Variants in AFF3 observed in about 807,000 individuals in gnomAD.
The protein encoded by AFF3 is ALF transcription elongation factor 3, also known as AF4/FMR2 family member 3.
AFF3 carries 32 observed loss-of-function variants against 129.7 expected under a neutral mutation model. That is an observed-to-expected ratio of 0.25 (90% confidence interval 0.19 to 0.33). AFF3 has a LOEUF of 0.33. Ranked by LOEUF, AFF3 falls within the 10% of genes least tolerant of loss-of-function variation. AFF3 has a pLI of 1.00. For synonymous variants in AFF3, 644 were observed against 635.4 expected (o/e 1.01, Z -0.20); for missense variants, 1,373 against 1,592.0 (o/e 0.86, Z 2.34).
At chr2:99,754,769 G>C (rs1681950375) in intron 8 of AFF3, among the ~76,000 whole-genome samples, 1 of 152,142 alleles carries the variant, frequency 6.6e-6, no homozygotes, top group Non-Finnish European at 1.5e-5. Context: ...GGTGGAAACT[G>C]TCCTCCTGAT....
intron 11 of AFF3, among the ~76,000 whole-genome samples, chr2:99,726,864 G>T (rs980023249): frequency 6.6e-6 from 1 of 152,174 alleles, no homozygotes; most frequent in African/African-American, 2.4e-5. Context: ...TTCATAAAGA[G>T]AAGCATTTGC....
At chr2:99,891,038 G>C (rs1452923048) in intron 7 of AFF3, among the ~76,000 whole-genome samples, 1 of 152,232 alleles carries the variant, frequency 6.6e-6, no homozygotes, top group Non-Finnish European at 1.5e-5. Context: ...CACGGTGGGG[G>C]TCACACAGGG....
In AFF3 at chr2:100,142,575, G is replaced by A. The variant is rs1314980021; in HGVS notation, c.-319C>T. The A allele has an allele frequency of 6.6e-6, 1 of 152,340 alleles. No homozygotes were observed. The highest frequency in any genetic ancestry group is 2.4e-5 in the African/African-American group (1 of 41,446). The allele number at this position is 152,340 out of a possible 1,614,324, so 9.4% of individuals were successfully genotyped here. A position where few individuals can be genotyped will look rare whatever the true frequency, so the allele number is the denominator to read the frequency against. On this transcript the variant is annotated 5_prime_UTR_variant, in exon 1 of 25. Coordinates refer to ENST00000672756, the MANE Select transcript of AFF3 (RefSeq NM_001386135.1). ...AGCGTGGAGCTCTCTTCTCGCTGGC[G>A]AGCTTTCTGAATGGCACTTTCTGTA... is the stretch of plus-strand genomic sequence containing the variant.
At chr2:100,052,843 G>T (rs561016583) in intron 4 of AFF3, among the ~76,000 whole-genome samples, 8 of 152,172 alleles carry the variant, frequency 5.3e-5, no homozygotes, top group Non-Finnish European at 1.2e-4. Context: ...TCCTCCAGCC[G>T]CCTTCCCCAG....
chr2:100,080,318 T>C (rs1276272499), intron 4 of AFF3, among the ~76,000 whole-genome samples: 3 of 152,248 alleles, frequency 2.0e-5, no homozygotes, highest in African/African-American at 2.4e-5. Context: ...TAGATGTTTA[T>C]TGTAATTTTG....
chr2:99,622,105 G>A (rs1682078361), intron 13 of AFF3, among the ~76,000 whole-genome samples: 1 of 152,160 alleles, frequency 6.6e-6, no homozygotes, highest in African/African-American at 2.4e-5. Context: ...ACACCAACTA[G>A]GACGTGCTGA....
intron 2 of AFF3, among the ~76,000 whole-genome samples, chr2:100,109,550 T>G (rs1330292236): frequency 6.6e-6 from 1 of 152,172 alleles, no homozygotes; most frequent in African/African-American, 2.4e-5. Context: ...GAACCAATCA[T>G]CCTGACTTAA....
chr2:99,826,024 T>A lies in AFF3; in HGVS notation c.921+11453A>T, dbSNP rs951091838. ...TTTATTCACTTAAAAAATTTTTTTT[T>A]AATTTTTTGAGATGGAGTCTCACTC... On this transcript the variant is annotated intron_variant, in intron 8 of 24. Transcript: ENST00000672756. 4.6e-5 allele frequency among the ~76,000 whole-genome samples: 7 copies of A among 150,746 alleles called. No individual in the cohort carries two copies. In the South Asian group the frequency reaches 6.3e-4, roughly 14 times the overall value.
chr2:99,566,970 CT>C (rs755875614), intron 19 of AFF3, among the ~76,000 whole-genome samples: 338 of 140,700 alleles, frequency 2.4e-3, no homozygotes, highest in Non-Finnish European at 2.6e-3. Flanking sequence ...TTTCTTTTTT[CT>C]TTTTTTTTTT....
In AFF3 at chr2:99,593,481, T is replaced by C; in HGVS notation, c.2180A>G (p.Asn727Ser). Reference sequence around the variant, plus strand: ...GGCGATGTCACTGGTGGTCCTGGCGTTGATGGAGCCTACAGGGGCCCTAGG... The same window carrying C: ...GGCGATGTCACTGGTGGTCCTGGCGCTGATGGAGCCTACAGGGGCCCTAGG... The part of the protein sequence containing the change: ...SGPRAPVGSI[N>S]ARTTSDIAKE... Residue 727 changes from asparagine (N) to serine (S), a missense_variant, in exon 15 of 25, where the codon AAC (asparagine) becomes AGC (serine). Transcript: ENST00000672756. The C allele has an allele frequency of 6.2e-7, 1 of 1,613,838 alleles. No individual in the cohort carries two copies. The highest frequency in any genetic ancestry group is 1.1e-5 in the South Asian group (1 of 91,074).
intron 13 of AFF3, among the ~76,000 whole-genome samples, chr2:99,603,304 T>C (rs563664776): frequency 7.2e-5 from 11 of 152,286 alleles, no homozygotes; most frequent in East Asian, 3.9e-4. Context: ...AAAAGGACGA[T>C]TGAATTCTGA....
intron 4 of AFF3, among the ~76,000 whole-genome samples, chr2:100,043,071 A>G (rs1423873087): frequency 6.6e-6 from 1 of 152,120 alleles, no homozygotes; most frequent in Non-Finnish European, 1.5e-5. Context: ...TTAGCCTGAC[A>G]AATTTCAAAG....
chr2:100,002,189 C>T (rs925729669), intron 7 of AFF3, among the ~76,000 whole-genome samples: 4 of 152,184 alleles, frequency 2.6e-5, no homozygotes, highest in Admixed American at 6.5e-5. Context: ...TTAAGAAATT[C>T]GACTGGCATG....
chr2:99,926,807 T>C (rs1696279297), intron 7 of AFF3, among the ~76,000 whole-genome samples: 1 of 152,148 alleles, frequency 6.6e-6, no homozygotes, highest in Non-Finnish European at 1.5e-5. Context: ...GACCTCTTTC[T>C]GGAAGCCTGA....
At chr2:99,871,770 T>C (rs1288362140) in intron 7 of AFF3, among the ~76,000 whole-genome samples, 1 of 152,134 alleles carries the variant, frequency 6.6e-6, no homozygotes, top group Non-Finnish European at 1.5e-5. Flanking sequence ...AAAAACTACC[T>C]GTCAGGTGCT....
intron 5 of AFF3, 24 bp from the exon 6 acceptor site, chr2:100,007,484 C>T (rs761311233): frequency 7.2e-5 from 115 of 1,593,436 alleles, no homozygotes; most frequent in Middle Eastern, 3.3e-4. Flanking sequence ...AACACATCCA[C>T]GCTATTGTTA....
chr2:99,740,569 G>A (rs1185286943), intron 10 of AFF3, among the ~76,000 whole-genome samples: 1 of 150,550 alleles, frequency 6.6e-6, no homozygotes, highest in African/African-American at 2.4e-5. Flanking sequence ...GCCAGTGATG[G>A]TGAGCATTTT....
At chr2:99,939,382 G>A (rs1289502369) in intron 7 of AFF3, among the ~76,000 whole-genome samples, 2 of 152,138 alleles carry the variant, frequency 1.3e-5, no homozygotes, top group Non-Finnish European at 2.9e-5. Flanking sequence ...ACACCATGGG[G>A]CAAAGGTTTT....
chr2:100,059,025 G>C lies in AFF3; in HGVS notation c.53+45377C>G, dbSNP rs189852168. 3.0e-3 allele frequency among the ~76,000 whole-genome samples: 457 copies of C among 152,162 alleles called. 4 individuals carry two copies. The highest frequency in any genetic ancestry group is 0.011 in the African/African-American group (438 of 41,518). On this transcript the variant is annotated intron_variant, in intron 4 of 24. Coordinates refer to ENST00000672756, the MANE Select transcript of AFF3 (RefSeq NM_001386135.1). The stretch of plus-strand genomic sequence containing the variant: ...CCCAGCACTTTGGGAGGCCAAGGGA[G>C]GTGGATCACTTGAGGTCAGGAGTTC...
Sources: gnomAD v4.1 joint callset for allele counts (sites outside exome capture counted in the v4.1 genomes callset) on GRCh38, gnomAD v4.1.1 for gene constraint, MANE v1.5 for transcripts, NCBI Gene and HGNC (gene_info 2026-07-23, HGNC 2026-07-21) for gene names.